The following GPC5 variants were observed in gnomAD, a reference collection of about 807,000 sequenced individuals.
GPC5 encodes glypican-5.
A neutral mutation model predicts 53.9 loss-of-function variants in GPC5; 47 were observed. The observed-to-expected ratio is 0.87, with a 90% CI of 0.69 to 1.11. GPC5 has a LOEUF of 1.11. Ranked by LOEUF, GPC5 falls within the 50% of genes most tolerant of loss-of-function variation. The pLI, the probability that GPC5 is intolerant of heterozygous loss-of-function variation, is 0.00. For missense variants in GPC5, 748 were observed against 713.1 expected, an observed-to-expected ratio of 1.05 and a Z score of -0.56; for synonymous variants, 286 against 263.3, an observed-to-expected ratio of 1.09 and a Z score of -0.84.
chr13:92,610,306 T>C (rs548636295), intron 7 of GPC5, among the ~76,000 whole-genome samples: 1 of 152,174 alleles, frequency 6.6e-6, no homozygotes, highest in East Asian at 1.9e-4. Context: ...ATTCATTGCT[T>C]CAGAACAATT....
At chr13:92,500,110 C>T (rs905962218) in intron 7 of GPC5, among the ~76,000 whole-genome samples, 1 of 152,138 alleles carries the variant, frequency 6.6e-6, no homozygotes, top group African/African-American at 2.4e-5. Flanking sequence ...AAGCAGGCAT[C>T]AGCATGGACA....
At chr13:91,754,969 A>AAAAACT (rs1480883841) in intron 4 of GPC5, among the ~76,000 whole-genome samples, 1 of 152,154 alleles carries the variant, frequency 6.6e-6, no homozygotes, top group African/African-American at 2.4e-5. Flanking sequence ...TACTTATACT[A>AAAAACT]AAAACTTCTG....
intron 7 of GPC5, among the ~76,000 whole-genome samples, chr13:92,850,891 C>T (rs770259097): frequency 1.3e-5 from 2 of 152,152 alleles, no homozygotes; most frequent in African/African-American, 2.4e-5. Context: ...CTGTATTAGT[C>T]CATTCTCACT....
intron 5 of GPC5, among the ~76,000 whole-genome samples, chr13:91,763,863 A>G (rs2037467732): frequency 1.3e-5 from 2 of 152,156 alleles, no homozygotes; most frequent in Admixed American, 1.3e-4. Flanking sequence ...CCAGAACTCA[A>G]GGATGCTCAA....
chr13:92,573,022 A>G (rs1192459610), intron 7 of GPC5, among the ~76,000 whole-genome samples: 1 of 152,234 alleles, frequency 6.6e-6, no homozygotes, highest in Non-Finnish European at 1.5e-5. Context: ...GATGCGATCA[A>G]TTTAACTTTA....
At chr13:92,563,635 TAGA>T (rs1882769134) in intron 7 of GPC5, among the ~76,000 whole-genome samples, 1 of 152,122 alleles carries the variant, frequency 6.6e-6, no homozygotes, top group East Asian at 1.9e-4. Context: ...CAAAGTAAGA[TAGA>T]AGATGTATTC....
intron 5 of GPC5, among the ~76,000 whole-genome samples, chr13:91,853,173 T>C (rs182895326): frequency 2.0e-5 from 3 of 152,248 alleles, no homozygotes; most frequent in African/African-American, 7.2e-5. Context: ...AGTAAGTTGA[T>C]ATTAAATTGA....
intron 7 of GPC5, among the ~76,000 whole-genome samples, chr13:92,211,125 G>A (rs2042371848): frequency 6.6e-6 from 1 of 151,166 alleles, no homozygotes. Flanking sequence ...TAAAATAAAT[G>A]ATTTTATTTA....
At chr13:92,762,819 G>A (rs1211309360) in intron 7 of GPC5, among the ~76,000 whole-genome samples, 1 of 151,418 alleles carries the variant, frequency 6.6e-6, no homozygotes, top group Non-Finnish European at 1.5e-5. Flanking sequence ...TTTCAAGTTA[G>A]AGATTCTTTC....
chr13:92,707,820 A>T (rs1041115576), intron 7 of GPC5, among the ~76,000 whole-genome samples: 2 of 152,094 alleles, frequency 1.3e-5, no homozygotes, highest in African/African-American at 4.8e-5. Flanking sequence ...TTGCAAAGTG[A>T]TTGGAAGGCT....
chr13:92,035,189 TG>T (rs532450184), intron 6 of GPC5, among the ~76,000 whole-genome samples: 82 of 126,222 alleles, frequency 6.5e-4, no homozygotes, highest in African/African-American at 2.5e-3. Context: ...CACTCCAGCC[TG>T]GGCGACAGAG....
At chr13:91,484,495 G>A (rs1883483197) in intron 2 of GPC5, among the ~76,000 whole-genome samples, 1 of 152,136 alleles carries the variant, frequency 6.6e-6, no homozygotes, top group African/African-American at 2.4e-5. Context: ...TCTAAATTCT[G>A]AGAAAGTTTA....
At chr13:91,577,862 C>T (rs1474146482) in intron 2 of GPC5, among the ~76,000 whole-genome samples, 1 of 152,232 alleles carries the variant, frequency 6.6e-6, no homozygotes, top group African/African-American at 2.4e-5. Context: ...AATATGTCCA[C>T]AGATTCTTTG....
In GPC5 at chr13:92,631,776, A is replaced by G. The variant is rs138696809; in HGVS notation, c.1562-234506A>G. Among the ~76,000 whole-genome samples, 572 of 152,296 alleles carry G rather than the reference A, an allele frequency of 3.8e-3. 5 individuals are homozygous for G. Among genetic ancestry groups the G allele is most frequent in the African/African-American group, 0.014 (562 of 41,572 alleles). The stretch of plus-strand genomic sequence containing the variant: ...GTGTCAATATGATGCCACAAGTGCA[A>G]AATTCTCACCTAACCTCATGCGATG... On this transcript the variant is annotated intron_variant, in intron 7 of 7. Transcript: ENST00000377067.
intron 6 of GPC5, among the ~76,000 whole-genome samples, chr13:92,126,700 C>T (rs953227762): frequency 6.6e-6 from 1 of 152,044 alleles, no homozygotes; most frequent in Non-Finnish European, 1.5e-5. Flanking sequence ...TTGTCAATCT[C>T]TGGTCTCCAT....
chr13:92,020,557 A>T (rs2040748613), intron 6 of GPC5, among the ~76,000 whole-genome samples: 2 of 151,898 alleles, frequency 1.3e-5, no homozygotes, highest in South Asian at 4.1e-4. Flanking sequence ...TTCTCTGATG[A>T]TTAGTGACAC....
intron 6 of GPC5, among the ~76,000 whole-genome samples, chr13:92,004,476 ATATATATATATAT>A (rs2040587369): frequency 1.5e-5 from 2 of 135,420 alleles, no homozygotes; most frequent in African/African-American, 5.6e-5. Flanking sequence ...ATATATATAT[ATATATATATATAT>A]AATTACACTA....
At chr13:92,190,713 A>G (rs542494378) in intron 7 of GPC5, among the ~76,000 whole-genome samples, 1 of 152,290 alleles carries the variant, frequency 6.6e-6, no homozygotes, top group African/African-American at 2.4e-5. Flanking sequence ...AAACTAAAAA[A>G]TGAAAAAGTA....
chr13:92,171,526 C>G (rs2042070689), intron 7 of GPC5, among the ~76,000 whole-genome samples: 1 of 152,164 alleles, frequency 6.6e-6, no homozygotes, highest in Non-Finnish European at 1.5e-5. Flanking sequence ...CAATCCATTT[C>G]CCCTTCTCAA....
Sources: gnomAD v4.1 joint callset for allele counts (sites outside exome capture counted in the v4.1 genomes callset) on GRCh38, gnomAD v4.1.1 for gene constraint, MANE v1.5 for transcripts, NCBI Gene and HGNC (gene_info 2026-07-23, HGNC 2026-07-21) for gene names.